The following GTF2F2 variants were observed in gnomAD, a reference collection of about 807,000 sequenced individuals.
GTF2F2 encodes the protein general transcription factor IIF subunit 2.
A neutral mutation model predicts 42.2 loss-of-function variants in GTF2F2; 23 were observed. That is an observed-to-expected ratio of 0.55 (90% confidence interval 0.39 to 0.77). The LOEUF (loss-of-function observed/expected upper bound fraction) is 0.77. GTF2F2 is among the 30% of genes least tolerant of loss of function. GTF2F2 has a pLI of 0.00. For synonymous variants in GTF2F2, 105 were observed against 100.8 expected, an observed-to-expected ratio of 1.04 and a Z score of -0.25; for missense variants, 261 against 287.2, an observed-to-expected ratio of 0.91 and a Z score of 0.66.
At chr13:45,236,565 T>C (rs1024961314) in intron 5 of GTF2F2, among the ~76,000 whole-genome samples, 1 of 151,296 alleles carries the variant, frequency 6.6e-6, no homozygotes, top group Non-Finnish European at 1.5e-5. Flanking sequence ...GTGTGGAGTA[T>C]AAAAATCTAA....
rs746855916 is a variant in GTF2F2 at position 45,166,003 on chromosome 13, G to A, written c.304+14172G>A. Among the ~76,000 whole-genome samples the A allele has an allele frequency of 5.9e-5, 9 of 151,700 alleles. No individual in the cohort carries two copies. The South Asian group carries it at 1.3e-3, about 21-fold the overall frequency. Reference sequence around the variant, plus strand: ...TAATTTTTGTATTTTTAGTAGAGACGGGGTTTCACCATGTTGGCCAGGCTT... The same window carrying A: ...TAATTTTTGTATTTTTAGTAGAGACAGGGTTTCACCATGTTGGCCAGGCTT... On this transcript the variant is annotated intron_variant, in intron 4 of 7. Transcript: ENST00000340473.
chr13:45,229,679 G>A (rs746288256), intron 5 of GTF2F2, among the ~76,000 whole-genome samples: 3 of 152,102 alleles, frequency 2.0e-5, no homozygotes, highest in East Asian at 1.9e-4. Flanking sequence ...GAGAGCTGTC[G>A]ACAGAAAGGA....
At position 45,284,619 on chromosome 13, in the gene GTF2F2, T is replaced by C. The variant is rs1877390020; in HGVS notation, c.*1058T>C. ...TTCACTCGTTCATTTTGTCATCTGCTTCTAGATGCTGCAATCAAGAAGTAG... is the reference window on the plus strand; with the variant it reads ...TTCACTCGTTCATTTTGTCATCTGCCTCTAGATGCTGCAATCAAGAAGTAG... On this transcript the variant is annotated 3_prime_UTR_variant, in exon 8 of 8. Coordinates refer to ENST00000340473, the MANE Select transcript of GTF2F2 (RefSeq NM_004128.3). 6.6e-6 allele frequency: 1 copy of C among 152,134 alleles called. No individual in the cohort carries two copies. The highest frequency in any genetic ancestry group is 1.5e-5 in the Non-Finnish European group (1 of 68,024). The allele number at this position is 152,134 out of a possible 1,614,324, so 9.4% of individuals were successfully genotyped here. A position where few individuals can be genotyped will look rare whatever the true frequency, so the allele number is the denominator to read the frequency against.
chr13:45,264,288 T>C (rs1011383647), intron 6 of GTF2F2, among the ~76,000 whole-genome samples: 2 of 151,662 alleles, frequency 1.3e-5, no homozygotes, highest in African/African-American at 2.4e-5. Flanking sequence ...ATTTTTTTAT[T>C]TTTTTATTTT....
intron 5 of GTF2F2, among the ~76,000 whole-genome samples, chr13:45,231,625 A>G (rs1980759): frequency 0.33 from 49,538 of 151,718 alleles, 10,296 homozygotes; most frequent in African/African-American, 0.59. Flanking sequence ...CAGCACCACA[A>G]CTGGTCGTAA....
chr13:45,140,696 A>G (rs1413161475), intron 2 of GTF2F2, among the ~76,000 whole-genome samples: 7 of 152,164 alleles, frequency 4.6e-5, no homozygotes, highest in East Asian at 3.8e-4. Context: ...TTTTCCCTCA[A>G]TGTGAAGTTC....
At chr13:45,159,710 G>A (rs1318197601) in intron 4 of GTF2F2, among the ~76,000 whole-genome samples, 1 of 152,190 alleles carries the variant, frequency 6.6e-6, no homozygotes, top group East Asian at 1.9e-4. Flanking sequence ...CTGACCTCAG[G>A]TAATCTGCCC....
At chr13:45,237,137 A>G (rs570342333) in intron 5 of GTF2F2, among the ~76,000 whole-genome samples, 22 of 152,332 alleles carry the variant, frequency 1.4e-4, no homozygotes, top group Non-Finnish European at 2.2e-4. Flanking sequence ...CAGATATATA[A>G]GAAATTACCC....
chr13:45,147,101 C>T (rs1870232814), intron 2 of GTF2F2, among the ~76,000 whole-genome samples: 1 of 152,114 alleles, frequency 6.6e-6, no homozygotes, highest in Admixed American at 6.5e-5. Context: ...ATGAAATTGT[C>T]CTCTCCTCCT....
At chr13:45,281,146 C>G (rs1877243984) in intron 7 of GTF2F2, among the ~76,000 whole-genome samples, 1 of 152,158 alleles carries the variant, frequency 6.6e-6, no homozygotes, top group African/African-American at 2.4e-5. Context: ...TTTATGCTTA[C>G]TCATTCACAC....
At chr13:45,235,604 T>C (rs1180781239) in intron 5 of GTF2F2, among the ~76,000 whole-genome samples, 2 of 152,074 alleles carry the variant, frequency 1.3e-5, no homozygotes, top group Non-Finnish European at 2.9e-5. Flanking sequence ...CTTTTTTTTT[T>C]CCTGAGATAG....
chr13:45,237,948 C>CTGTTTGTTTGTT (rs58903659), intron 5 of GTF2F2, among the ~76,000 whole-genome samples: 109 of 151,152 alleles, frequency 7.2e-4, no homozygotes, highest in African/African-American at 2.6e-3. Context: ...GAAAAGGTTT[C>CTGTTTGTTTGTT]TGTTTGTTTG....
At chr13:45,124,857 C>A (rs1239040631) in intron 1 of GTF2F2, among the ~76,000 whole-genome samples, 14 of 152,144 alleles carry the variant, frequency 9.2e-5, no homozygotes. Context: ...AGCCACTGTG[C>A]CCAGCCAAGA....
At chr13:45,170,408 T>A (rs1871536373) in intron 4 of GTF2F2, among the ~76,000 whole-genome samples, 1 of 152,232 alleles carries the variant, frequency 6.6e-6, no homozygotes, top group Non-Finnish European at 1.5e-5. Context: ...TCTTTTAAAA[T>A]TTTTTTCTGA....
At chr13:45,232,867 A>G (rs1593506522) in intron 5 of GTF2F2, among the ~76,000 whole-genome samples, 2 of 152,320 alleles carry the variant, frequency 1.3e-5, no homozygotes, top group East Asian at 3.9e-4. Context: ...TGCAGAAAAT[A>G]CATTTTCTTT....
intron 5 of GTF2F2, among the ~76,000 whole-genome samples, chr13:45,211,595 T>A (rs1873645894): frequency 6.7e-6 from 1 of 150,132 alleles, no homozygotes; most frequent in Admixed American, 6.6e-5. Flanking sequence ...AATTTTTTTT[T>A]TTTTTTTGAG....
At chr13:45,240,000 A>C (rs1463872732) in intron 5 of GTF2F2, among the ~76,000 whole-genome samples, 2 of 151,976 alleles carry the variant, frequency 1.3e-5, no homozygotes, top group African/African-American at 2.4e-5. Flanking sequence ...AATTCAACTC[A>C]GTATTAAGTC....
chr13:45,246,578 A>G (rs576048496), intron 5 of GTF2F2, among the ~76,000 whole-genome samples: 371 of 152,278 alleles, frequency 2.4e-3, no homozygotes, highest in Non-Finnish European at 3.8e-3. Context: ...GCCCCATTCT[A>G]TTCTGCAAAT....
chr13:45,203,043 A>G lies in GTF2F2; in HGVS notation c.305-4381A>G, dbSNP rs142723960. Among the ~76,000 whole-genome samples, 626 of 152,296 alleles carry G rather than the reference A, an allele frequency of 4.1e-3. 4 individuals are homozygous for G. Among genetic ancestry groups the G allele is most frequent in the African/African-American group, 0.015 (609 of 41,572 alleles). On this transcript the variant is annotated intron_variant, in intron 4 of 7. Coordinates refer to ENST00000340473, the MANE Select transcript of GTF2F2 (RefSeq NM_004128.3). ...AAGGCCTTTGCTTTGAATATAGGAT[A>G]CTGACTGACCATCTGTTTTCTTTGT...
Sources: allele counts gnomAD v4.1 joint callset (sites outside exome capture counted in the v4.1 genomes callset), GRCh38; gene constraint gnomAD v4.1.1; transcripts MANE v1.5; gene names NCBI Gene and HGNC (gene_info 2026-07-23, HGNC 2026-07-21).